The following TACC1 variants were observed in gnomAD, a reference collection of about 807,000 sequenced individuals.
TACC1 encodes the protein transforming acidic coiled-coil-containing protein 1.
A neutral mutation model predicts 84.4 loss-of-function variants in TACC1; 48 were observed. That is an observed-to-expected ratio of 0.57 (90% CI 0.45 to 0.72). TACC1 has a LOEUF of 0.72. Ranked by LOEUF, TACC1 falls within the 30% of genes least tolerant of loss-of-function variation. The probability of loss-of-function intolerance (pLI) is 0.00; values close to 1 mark genes in which losing one functional copy is unlikely to be tolerated. For missense variants in TACC1, 920 were observed against 973.0 expected, an observed-to-expected ratio of 0.95 and a Z score of 0.72; for synonymous variants, 372 against 376.3, an observed-to-expected ratio of 0.99 and a Z score of 0.13.
intron 3 of TACC1, among the ~76,000 whole-genome samples, chr8:38,768,543 A>G (rs777992919): frequency 6.6e-6 from 1 of 151,972 alleles, no homozygotes; most frequent in African/African-American, 2.4e-5. Context: ...CAAAAGTTCA[A>G]TTTTTTCCTC....
At chr8:38,755,116 T>A (rs1274430416) in intron 3 of TACC1, among the ~76,000 whole-genome samples, 1 of 137,510 alleles carries the variant, frequency 7.3e-6, no homozygotes. Flanking sequence ...GACAAGATAG[T>A]GCCACTGCAC....
intron 3 of TACC1, among the ~76,000 whole-genome samples, chr8:38,749,748 C>A (rs1221805294): frequency 6.6e-6 from 1 of 151,860 alleles, no homozygotes; most frequent in African/African-American, 2.4e-5. Flanking sequence ...CGCACAACCA[C>A]GCCTGGCTAA....
intron 3 of TACC1, among the ~76,000 whole-genome samples, chr8:38,756,039 T>C (rs1302212428): frequency 1.3e-5 from 2 of 152,052 alleles, no homozygotes; most frequent in East Asian, 3.9e-4. Flanking sequence ...GGTCTCTAAC[T>C]CCTGACCTCA....
At chr8:38,825,277 A>G in intron 3 of TACC1, 31 bp from the exon 4 acceptor site, 2 of 1,613,554 alleles carry the variant, frequency 1.2e-6, no homozygotes, top group Non-Finnish European at 8.5e-7. Flanking sequence ...GTGATTGCAA[A>G]CTGGCTTGTT....
chr8:38,847,853 A>T, intron 12 of TACC1, 102 bp from the exon 13 acceptor site: 1 of 869,546 alleles, frequency 1.2e-6, no homozygotes, highest in South Asian at 1.8e-5. Context: ...CTGAATTAGG[A>T]TGTCTAGGGT....
intron 3 of TACC1, among the ~76,000 whole-genome samples, chr8:38,751,859 A>G (rs1302707471): frequency 6.6e-6 from 1 of 152,198 alleles, no homozygotes; most frequent in African/African-American, 2.4e-5. Context: ...GCCTAGCCAT[A>G]GGGTTGTGGT....
intron 2 of TACC1, among the ~76,000 whole-genome samples, chr8:38,809,931 A>ACCCTTGT (rs1823668797): frequency 2.6e-5 from 4 of 152,166 alleles, no homozygotes; most frequent in African/African-American, 9.7e-5. Flanking sequence ...GAATGGTAGT[A>ACCCTTGT]AATGTTTAGG....
At chr8:38,816,645 C>T (rs1202998741) in intron 2 of TACC1, among the ~76,000 whole-genome samples, 1 of 152,138 alleles carries the variant, frequency 6.6e-6, no homozygotes, top group Admixed American at 6.5e-5. Context: ...GTGAAGGATA[C>T]AACTCAGGAA....
At chr8:38,758,556 G>A (rs919149018) in intron 3 of TACC1, among the ~76,000 whole-genome samples, 3 of 151,840 alleles carry the variant, frequency 2.0e-5, no homozygotes, top group Non-Finnish European at 2.9e-5. Context: ...GTGCGAGCCT[G>A]TAGTTCCAGC....
At chr8:38,743,053 A>C (rs1281538203) in intron 2 of TACC1, among the ~76,000 whole-genome samples, 1 of 152,226 alleles carries the variant, frequency 6.6e-6, no homozygotes, top group Non-Finnish European at 1.5e-5. Flanking sequence ...AGAAGGTAGA[A>C]CTACATGGCC....
At chr8:38,758,276 AT>A (rs993361522) in intron 3 of TACC1, among the ~76,000 whole-genome samples, 10 of 152,328 alleles carry the variant, frequency 6.6e-5, no homozygotes, top group African/African-American at 2.4e-4. Context: ...GGGCTTTTGA[AT>A]CATCTTTTCA....
chr8:38,740,279 C>A (rs1806809639), intron 1 of TACC1, among the ~76,000 whole-genome samples: 1 of 152,200 alleles, frequency 6.6e-6, no homozygotes, highest in Admixed American at 6.5e-5. Context: ...TCCAGCCATT[C>A]CATTCCACAC....
Position 38,851,481 on chromosome 8 carries a change from G to GT in TACC1, c.*3465dup, listed in dbSNP as rs952736640. ...TCAGTGGTTACTCAAGCTCAAAAGG[G>GT]TTTTTTTAAGAGCAAGCATTGGTTA... is the stretch of plus-strand genomic sequence containing the variant. On this transcript the variant is annotated 3_prime_UTR_variant, in exon 13 of 13. Transcript: ENST00000317827. 16 of 155,806 alleles carry GT rather than the reference G, an allele frequency of 1.0e-4. No individual in the cohort carries two copies. Among genetic ancestry groups the GT allele is most frequent in the East Asian group, 7.5e-4 (4 of 5,362 alleles). 9.7% of individuals were successfully genotyped at this position (155,806 alleles called of 1,614,324 possible).
chr8:38,834,841 C>T (rs185924837), intron 6 of TACC1, among the ~76,000 whole-genome samples: 3 of 152,322 alleles, frequency 2.0e-5, no homozygotes, highest in Admixed American at 2.0e-4. Flanking sequence ...CAAGATGTAA[C>T]TGATTGATTA....
At chr8:38,845,126 T>C (rs1485513622) in intron 11 of TACC1, among the ~76,000 whole-genome samples, 1 of 152,238 alleles carries the variant, frequency 6.6e-6, no homozygotes, top group Non-Finnish European at 1.5e-5. Context: ...GGTTTCGCCA[T>C]GTTGGGCAGG....
intron 3 of TACC1, among the ~76,000 whole-genome samples, chr8:38,778,023 A>G (rs1207337501): frequency 6.6e-6 from 1 of 152,200 alleles, no homozygotes; most frequent in Non-Finnish European, 1.5e-5. Context: ...ATTAGGCTCT[A>G]CCATGGTGAT....
intron 3 of TACC1, among the ~76,000 whole-genome samples, chr8:38,756,934 C>G (rs1563286625): frequency 6.6e-6 from 1 of 152,348 alleles, no homozygotes; most frequent in Admixed American, 6.5e-5. Context: ...CAGCCCCGGA[C>G]CCAGCGGGCG....
rs1470480988 is a variant in TACC1 at position 38,827,378 on chromosome 8, A to G, written c.1660+3A>G. On this transcript the variant is annotated splice_donor_region_variant and intron_variant, in intron 5 of 12. Coordinates refer to ENST00000317827, the MANE Select transcript of TACC1 (RefSeq NM_006283.3). ...TGCGTTTTCATCCTCAGAAGCAGGT[A>G]TGGAAGCATATCTTCATCTTTCTAA... 1 of 1,614,042 alleles carries G rather than the reference A, an allele frequency of 6.2e-7. No homozygotes were observed. The highest frequency in any genetic ancestry group is 1.7e-5 in the Admixed American group (1 of 60,018).
chr8:38,831,151 A>G lies in TACC1; in HGVS notation c.1687A>G (p.Met563Val). Residue 563 changes from methionine to valine, a missense_variant, in exon 6 of 13, where the codon ATG becomes GTG. By Grantham distance (21) the Met-to-Val change is conservative (BLOSUM62 1). This residue lies in a region of TACC1 where 762 missense variants were observed against 747.3 expected (regional missense o/e 1.02). Coordinates refer to ENST00000317827, the MANE Select transcript of TACC1 (RefSeq NM_006283.3). Reference sequence around the variant, plus strand: ...CATAGAGAAGGAGACGTGCCAGAAGATGGAAGAAGACGGGTCCACTGTGCT... The same window carrying G: ...CATAGAGAAGGAGACGTGCCAGAAGGTGGAAGAAGACGGGTCCACTGTGCT... Reference protein sequence around the residue: ...AGIEKETCQKMEEDGSTVLGL... With the variant: ...AGIEKETCQKVEEDGSTVLGL... The G allele has an allele frequency of 8.7e-6, 14 of 1,614,236 alleles. No individual in the cohort carries two copies. The highest frequency in any genetic ancestry group is 1.2e-5 in the Non-Finnish European group (14 of 1,180,028).
Sources: allele counts gnomAD v4.1 joint callset (sites outside exome capture counted in the v4.1 genomes callset), GRCh38; gene constraint gnomAD v4.1.1; regional missense constraint gnomAD v4.1.1; transcripts MANE v1.5; gene names NCBI Gene and HGNC (gene_info 2026-07-23, HGNC 2026-07-21).